AGBL4: variants seen among roughly 807,000 people sequenced by gnomAD.
AGBL4 encodes cytosolic carboxypeptidase 6.
Under a neutral mutation model 66.4 loss-of-function variants are expected in AGBL4, and 58 were observed. The observed-to-expected ratio is 0.87, with a 90% CI of 0.71 to 1.09. The LOEUF is 1.09. Ranked by LOEUF, AGBL4 falls within the 50% of genes least tolerant of loss-of-function variation. The probability of loss-of-function intolerance (pLI) is 0.00; values close to 1 mark genes in which losing one functional copy is unlikely to be tolerated. For missense variants in AGBL4, 579 were observed against 631.0 expected, an observed-to-expected ratio of 0.92 and a Z score of 0.88; for synonymous variants, 234 against 222.9, an observed-to-expected ratio of 1.05 and a Z score of -0.44.
intron 1 of AGBL4, among the ~76,000 whole-genome samples, chr1:49,940,177 G>A (rs1654591708): frequency 2.0e-5 from 3 of 152,150 alleles, no homozygotes; most frequent in Admixed American, 2.0e-4. Flanking sequence ...AGTTAGAATG[G>A]CCATCATTAA....
chr1:50,004,056 T>G (rs1010793912), intron 1 of AGBL4, among the ~76,000 whole-genome samples: 1 of 152,140 alleles, frequency 6.6e-6, no homozygotes, highest in African/African-American at 2.4e-5. Context: ...AGTCTTAAAT[T>G]GCCTAAGCCA....
chr1:49,734,772 C>T (rs771183811), intron 2 of AGBL4, among the ~76,000 whole-genome samples: 102 of 151,696 alleles, frequency 6.7e-4, no homozygotes, highest in Non-Finnish European at 1.3e-3. Flanking sequence ...TGATATTAAA[C>T]TTTATATATA....
intron 4 of AGBL4, among the ~76,000 whole-genome samples, chr1:49,059,009 A>T (rs1644355163): frequency 6.6e-6 from 1 of 152,270 alleles, no homozygotes; most frequent in Non-Finnish European, 1.5e-5. Flanking sequence ...CAATAAAAAA[A>T]GAAAAACCCA....
chr1:48,885,351 ATTGT>A (rs1263380459), intron 5 of AGBL4, among the ~76,000 whole-genome samples: 4 of 152,164 alleles, frequency 2.6e-5, no homozygotes, highest in Admixed American at 6.5e-5. Context: ...TGTGGCAGAG[ATTGT>A]TTGACCTGCA....
intron 3 of AGBL4, among the ~76,000 whole-genome samples, chr1:49,338,152 G>C (rs1229284826): frequency 6.6e-6 from 1 of 152,174 alleles, no homozygotes; most frequent in Admixed American, 6.5e-5. Flanking sequence ...AGAGATAGGA[G>C]GAGGAAAACA....
intron 3 of AGBL4, among the ~76,000 whole-genome samples, chr1:49,434,558 C>G (rs1645857872): frequency 6.6e-6 from 1 of 152,062 alleles, no homozygotes; most frequent in South Asian, 2.1e-4. Context: ...AAAGGTTATT[C>G]ATGTCGTAGG....
chr1:48,809,215 G>A (rs1200637954), intron 6 of AGBL4, among the ~76,000 whole-genome samples: 1 of 152,250 alleles, frequency 6.6e-6, no homozygotes, highest in African/African-American at 2.4e-5. Flanking sequence ...ACCAGGGAGA[G>A]AGGAGTTGCA....
chr1:49,665,016 T>C (rs772918835), intron 3 of AGBL4, among the ~76,000 whole-genome samples: 17 of 152,172 alleles, frequency 1.1e-4, no homozygotes, highest in Non-Finnish European at 4.4e-5. Flanking sequence ...TTAGTAACTA[T>C]ATTACTTTGG....
chr1:48,943,786 CTGG>C (rs1204300707), intron 5 of AGBL4, among the ~76,000 whole-genome samples: 4 of 147,430 alleles, frequency 2.7e-5, no homozygotes, highest in African/African-American at 1.0e-4. Context: ...GTTGTTGTGG[CTGG>C]TGGTGGTGGT....
intron 5 of AGBL4, among the ~76,000 whole-genome samples, chr1:49,017,713 A>G (rs1465942096): frequency 6.6e-6 from 1 of 152,218 alleles, no homozygotes; most frequent in African/African-American, 2.4e-5. Flanking sequence ...ACTGACTGGC[A>G]CATGATAGGT....
In AGBL4 at chr1:48,785,972, G is replaced by C. The variant is rs144348044; in HGVS notation, c.634+81219C>G. ...AAGCACCTGGTGGTTCAAAATGCCT[G>C]CCCTTCACAAGTCCTCATAGGGCCA... On this transcript the variant is annotated intron_variant, in intron 6 of 13. Transcript: ENST00000371839. Among the ~76,000 whole-genome samples, 947 of 151,770 alleles carry C rather than the reference G, an allele frequency of 6.2e-3. 1 individual carries two copies. Among genetic ancestry groups the C allele is most frequent in the Middle Eastern group, 0.01 (3 of 294 alleles).
rs528240249 is a variant in AGBL4, at chr1:49,690,564, T to C, written c.282+6749A>G. ...CCTTTCAGCTTCTTCAACTGCAAAA[T>C]GGGGGTTAGGATACTAATAATGGTA... is the stretch of plus-strand genomic sequence containing the variant. On this transcript the variant is annotated intron_variant, in intron 3 of 13. Transcript: ENST00000371839. Among the ~76,000 whole-genome samples, 3 of 152,296 alleles carry C rather than the reference T, an allele frequency of 2.0e-5. No homozygotes were observed. In the East Asian group the frequency reaches 5.8e-4, roughly 29 times the overall value.
At chr1:48,586,659 GA>G (rs1644825111) in intron 11 of AGBL4, 1 of 265,270 alleles carries the variant, frequency 3.8e-6, no homozygotes, top group African/African-American at 2.2e-5. Context: ...CAACCCTGGG[GA>G]TGGTCATCCA....
chr1:48,580,233 C>T (rs1488131798), intron 11 of AGBL4, among the ~76,000 whole-genome samples: 3 of 152,194 alleles, frequency 2.0e-5, no homozygotes, highest in Non-Finnish European at 4.4e-5. Context: ...CTGCTCACAT[C>T]AACAGAGCTC....
intron 3 of AGBL4, among the ~76,000 whole-genome samples, chr1:49,556,242 A>C (rs545205230): frequency 4.7e-4 from 72 of 152,200 alleles, no homozygotes; most frequent in African/African-American, 1.5e-3. Flanking sequence ...ACATGGATGA[A>C]GCTGGAAACC....
chr1:50,023,720 C>G (rs1260390872), intron 1 of AGBL4, 43 bp downstream of exon 1: 1 of 1,538,810 alleles, frequency 6.5e-7, no homozygotes, highest in African/African-American at 1.4e-5. Flanking sequence ...CCCAGGACAG[C>G]CTGGCCGCCT....
intron 1 of AGBL4, among the ~76,000 whole-genome samples, chr1:49,907,629 T>C (rs1650400411): frequency 6.6e-6 from 1 of 152,048 alleles, no homozygotes; most frequent in Non-Finnish European, 1.5e-5. Flanking sequence ...AACTATAAAG[T>C]AGAAAGATCA....
At chr1:48,996,115 C>A (rs1299887619) in intron 5 of AGBL4, among the ~76,000 whole-genome samples, 2 of 152,098 alleles carry the variant, frequency 1.3e-5, no homozygotes, top group South Asian at 2.1e-4. Context: ...ATAATGATAG[C>A]CCTCAGGTTT....
intron 3 of AGBL4, among the ~76,000 whole-genome samples, chr1:49,457,513 C>A (rs1646416430): frequency 6.6e-6 from 1 of 151,832 alleles, no homozygotes; most frequent in Non-Finnish European, 1.5e-5. Context: ...TGTGAGTTGT[C>A]TGTTAACTCT....
Sources: allele counts gnomAD v4.1 joint callset (sites outside exome capture counted in the v4.1 genomes callset), GRCh38; gene constraint gnomAD v4.1.1; transcripts MANE v1.5; gene names NCBI Gene and HGNC (gene_info 2026-07-23, HGNC 2026-07-21).